The following RBFOX1 variants were observed in gnomAD, a reference collection of about 807,000 sequenced individuals.
The protein encoded by RBFOX1 is RNA binding protein fox-1 homolog 1.
In RBFOX1, 8 loss-of-function variants were observed where a neutral mutation model predicts 57.7. That is an observed-to-expected ratio of 0.14 (90% confidence interval 0.08 to 0.25). The LOEUF is 0.25. Among genes scored for constraint, RBFOX1 ranks in the 10% least tolerant of loss-of-function variants. RBFOX1 has a pLI of 1.00. For synonymous variants in RBFOX1, 326 were observed against 222.4 expected (o/e 1.47, Z -4.15); for missense variants, 611 against 548.5 (o/e 1.11, Z -1.14).
chr16:6,681,374 G>C (rs2058628025), intron 3 of RBFOX1, among the ~76,000 whole-genome samples: 2 of 152,092 alleles, frequency 1.3e-5, no homozygotes, highest in Admixed American at 6.5e-5. Context: ...TTGCTACCTT[G>C]GTTAAAAAGT....
At chr16:5,902,622 G>A (rs1184999688) in intron 4 of RBFOX1, among the ~76,000 whole-genome samples, 1 of 152,134 alleles carries the variant, frequency 6.6e-6, no homozygotes, top group East Asian at 1.9e-4. Context: ...CACTATGTTA[G>A]CCAGGCTGGT....
chr16:5,824,498 AG>A (rs1173221015), intron 3 of RBFOX1, among the ~76,000 whole-genome samples: 1 of 152,184 alleles, frequency 6.6e-6, no homozygotes, highest in Admixed American at 6.5e-5. Flanking sequence ...CTCTTCATGC[AG>A]GGGGCTGCAG....
chr16:7,202,820 T>C (rs8044702), intron 4 of RBFOX1, among the ~76,000 whole-genome samples: 96,477 of 152,138 alleles, frequency 0.63, 31,927 homozygotes, highest in African/African-American at 0.83. Flanking sequence ...CCCTGGCCAT[T>C]AGTTTATCTT....
chr16:7,341,011 C>T (rs74836591), intron 4 of RBFOX1, among the ~76,000 whole-genome samples: 9,984 of 152,180 alleles, frequency 0.066, 474 homozygotes, highest in Non-Finnish European at 0.091. Flanking sequence ...TGGTGTTCGG[C>T]AATGTGAGCT....
At chr16:6,569,573 A>C (rs1367538476) in intron 2 of RBFOX1, among the ~76,000 whole-genome samples, 1 of 152,202 alleles carries the variant, frequency 6.6e-6, no homozygotes, top group East Asian at 1.9e-4. Context: ...TATGAGCTGT[A>C]ATTGGGTTAA....
At chr16:7,074,586 A>C (rs560026570) in intron 4 of RBFOX1, among the ~76,000 whole-genome samples, 1 of 152,326 alleles carries the variant, frequency 6.6e-6, no homozygotes, top group African/African-American at 2.4e-5. Context: ...TATGGGAAAT[A>C]TCAAGCATTT....
chr16:5,464,080 T>C (rs545568007), intron 1 of RBFOX1, among the ~76,000 whole-genome samples: 1 of 152,214 alleles, frequency 6.6e-6, no homozygotes, highest in South Asian at 2.1e-4. Context: ...GGCTTCAGGC[T>C]CAATGGGCTG....
intron 3 of RBFOX1, among the ~76,000 whole-genome samples, chr16:5,730,637 A>G (rs533816785): frequency 2.0e-5 from 3 of 152,186 alleles, no homozygotes; most frequent in South Asian, 4.2e-4. Context: ...CATCATCATC[A>G]CTACCACACC....
chr16:6,431,477 A>G (rs879909118), intron 2 of RBFOX1, among the ~76,000 whole-genome samples: 8 of 152,102 alleles, frequency 5.3e-5, no homozygotes, highest in Non-Finnish European at 1.2e-4. Context: ...ACTTCTCAAC[A>G]GGCAGACCAG....
At chr16:6,669,309 C>T (rs2098750389) in intron 3 of RBFOX1, among the ~76,000 whole-genome samples, 1 of 152,136 alleles carries the variant, frequency 6.6e-6, no homozygotes, top group South Asian at 2.1e-4. Flanking sequence ...CAATTCACTT[C>T]TTATATTGTG....
intron 4 of RBFOX1, among the ~76,000 whole-genome samples, chr16:7,204,802 A>G (rs1051231326): frequency 6.6e-6 from 1 of 151,972 alleles, no homozygotes; most frequent in East Asian, 1.9e-4. Flanking sequence ...CCTTAATGCA[A>G]ACTGATTGGT....
chr16:7,503,581 C>G (rs185587454), intron 4 of RBFOX1, among the ~76,000 whole-genome samples: 2 of 152,146 alleles, frequency 1.3e-5, no homozygotes, highest in Non-Finnish European at 2.9e-5. Flanking sequence ...GTGAATTTGA[C>G]ACTGATGTTA....
chr16:6,747,829 C>G (rs1261020971), intron 3 of RBFOX1, among the ~76,000 whole-genome samples: 1 of 152,144 alleles, frequency 6.6e-6, no homozygotes, highest in Non-Finnish European at 1.5e-5. Context: ...TCCCTACCCG[C>G]CATCCAGAGT....
intron 4 of RBFOX1, among the ~76,000 whole-genome samples, chr16:7,388,842 A>G (rs1568569488): frequency 1.3e-5 from 2 of 152,060 alleles, no homozygotes; most frequent in Non-Finnish European, 2.9e-5. Flanking sequence ...AGACAAAGCT[A>G]TGATGTTCAG....
chr16:7,017,974 G>A lies in RBFOX1; in HGVS notation c.-15-34083G>A, dbSNP rs562556425. Among the ~76,000 whole-genome samples, 5 of 152,128 alleles carry A rather than the reference G, an allele frequency of 3.3e-5. No individual in the cohort carries two copies. In the South Asian group the frequency reaches 8.3e-4, roughly 25 times the overall value. ...AATTAGGTGTGCCCCCTTTCTCTAC[G>A]GGCAGTTGTGGTCTTCAGGGAATGG... is the stretch of plus-strand genomic sequence containing the variant. On this transcript the variant is annotated intron_variant, in intron 3 of 15. Coordinates refer to ENST00000550418, the MANE Select transcript of RBFOX1 (RefSeq NM_018723.4).
chr16:7,552,052 T>G (rs2086715682), intron 5 of RBFOX1, among the ~76,000 whole-genome samples: 1 of 152,206 alleles, frequency 6.6e-6, no homozygotes, highest in Admixed American at 6.5e-5. Flanking sequence ...TCCCCACAAT[T>G]GTATAAGGAG....
intron 1 of RBFOX1, among the ~76,000 whole-genome samples, chr16:5,326,100 C>T (rs1465709132): frequency 6.6e-6 from 1 of 151,914 alleles, no homozygotes; most frequent in Non-Finnish European, 1.5e-5. Context: ...GTTCCAGTTG[C>T]TCCACATCCT....
At position 7,157,486 on chromosome 16, in the gene RBFOX1, A is replaced by C. The variant is rs566631746; in HGVS notation, c.27+105388A>C. Among the ~76,000 whole-genome samples the C allele has an allele frequency of 2.6e-5, 4 of 152,162 alleles. No individual in the cohort carries two copies. The South Asian group carries it at 8.3e-4, about 32-fold the overall frequency. Reference sequence around the variant, plus strand: ...GTGCAATTCTGCCCTGGAATTTGGCACTCTGGGATTCGTTGGGGGCCTGTG... The same window carrying C: ...GTGCAATTCTGCCCTGGAATTTGGCCCTCTGGGATTCGTTGGGGGCCTGTG... On this transcript the variant is annotated intron_variant, in intron 4 of 15. Coordinates refer to ENST00000550418, the MANE Select transcript of RBFOX1 (RefSeq NM_018723.4).
At chr16:7,004,141 A>G (rs529196478) in intron 3 of RBFOX1, 1 of 152,250 alleles carries the variant, frequency 6.6e-6, no homozygotes, top group East Asian at 1.9e-4. Flanking sequence ...TGTACTTAAT[A>G]GAGCATCTTT....
Sources: allele counts gnomAD v4.1 joint callset (sites outside exome capture counted in the v4.1 genomes callset), GRCh38; gene constraint gnomAD v4.1.1; transcripts MANE v1.5; gene names NCBI Gene and HGNC (gene_info 2026-07-23, HGNC 2026-07-21).